The following SFMBT1 variants were observed in gnomAD, a reference collection of about 807,000 sequenced individuals.
SFMBT1 encodes Scm like with four mbt domains 1.
Under a neutral mutation model 108.7 loss-of-function variants are expected in SFMBT1, and 32 were observed. The ratio of observed to expected loss-of-function variants is 0.29; its 90% CI spans 0.22 to 0.40. SFMBT1 has a LOEUF of 0.40. Among genes scored for constraint, SFMBT1 ranks in the 10% least tolerant of loss-of-function variants. SFMBT1 has a pLI of 1.00. For missense variants in SFMBT1, 816 were observed against 1,059.6 expected (o/e 0.77, Z 3.19); for synonymous variants, 348 against 369.5 (o/e 0.94, Z 0.67).
chr3:52,926,032 G>A lies in SFMBT1; in HGVS notation c.1130C>T (p.Pro377Leu), dbSNP rs535877148. ...AEAAPQRCFP[P>L]LISEHEFKEN... The stretch of plus-strand genomic sequence containing the variant: ...CCATGAGGCCGTGGGGGTCCTCACC[G>A]GAGGGAAGCACCTCTGGGGAGCAGC... The change falls in exon 10 of 21, where the codon CCG (proline) becomes CTG (leucine). Residue 377 changes from proline (P) to leucine (L), a missense_variant and splice_region_variant. Pro to Leu is a moderately conservative substitution (Grantham distance 98). Transcript: ENST00000394752. 101 of 1,605,982 alleles carry A rather than the reference G, an allele frequency of 6.3e-5. No individual in the cohort carries two copies. The South Asian group carries it at 9.9e-4, about 16-fold the overall frequency.
intron 10 of SFMBT1, among the ~76,000 whole-genome samples, chr3:52,924,292 T>G (rs1702596807): frequency 6.6e-6 from 1 of 152,006 alleles, no homozygotes; most frequent in African/African-American, 2.4e-5. Flanking sequence ...GGACCCCAAA[T>G]CATACAAAAG....
chr3:52,990,694 G>T (rs1346665659), intron 1 of SFMBT1, among the ~76,000 whole-genome samples: 2 of 152,126 alleles, frequency 1.3e-5, no homozygotes, highest in East Asian at 3.8e-4. Flanking sequence ...AGAGAAGAAG[G>T]AAAGAAGGAT....
At chr3:53,027,478 T>C (rs530570899) in intron 1 of SFMBT1, among the ~76,000 whole-genome samples, 2 of 152,326 alleles carry the variant, frequency 1.3e-5, no homozygotes, top group South Asian at 4.1e-4. Context: ...GTCTGCTAAA[T>C]GAATTACTAT....
chr3:52,928,400 C>A, intron 8 of SFMBT1, 59 bp from the exon 9 acceptor site: 5 of 1,555,590 alleles, frequency 3.2e-6, no homozygotes, highest in Non-Finnish European at 4.4e-6. Flanking sequence ...GTGCTTTCTC[C>A]TTGGCACAGC....
chr3:52,915,637 G>C (rs1296015465), intron 14 of SFMBT1, among the ~76,000 whole-genome samples: 1 of 152,150 alleles, frequency 6.6e-6, no homozygotes, highest in African/African-American at 2.4e-5. Context: ...TTCAAGAGAG[G>C]ACCCTGGACA....
intron 1 of SFMBT1, among the ~76,000 whole-genome samples, chr3:53,041,015 G>T (rs972008205): frequency 6.5e-5 from 5 of 77,052 alleles, no homozygotes; most frequent in Admixed American, 5.2e-4. Context: ...TAGAGACAGG[G>T]CTTCCCTATG....
chr3:52,987,693 C>T (rs995085689), intron 1 of SFMBT1, among the ~76,000 whole-genome samples: 2 of 152,140 alleles, frequency 1.3e-5, no homozygotes, highest in Non-Finnish European at 2.9e-5. Context: ...AGATGATCTG[C>T]GCTCAAGTTG....
intron 1 of SFMBT1, among the ~76,000 whole-genome samples, chr3:53,037,969 G>C (rs1277547591): frequency 6.6e-6 from 1 of 152,126 alleles, no homozygotes; most frequent in African/African-American, 2.4e-5. Flanking sequence ...AAATTAGCCA[G>C]GCATGGTGGC....
intron 17 of SFMBT1, among the ~76,000 whole-genome samples, chr3:52,910,303 C>T (rs140190536): frequency 6.6e-6 from 1 of 152,180 alleles, no homozygotes; most frequent in African/African-American, 2.4e-5. Context: ...AGCATAAGCA[C>T]ACAATGAGCA....
Position 52,948,113 on chromosome 3 carries a change from G to A in SFMBT1, c.124-4520C>T, listed in dbSNP as rs1559522217. ...TCATAAACTATATTATTATCTAGGA[G>A]CTATCATATTTAGAACTAACATACA... On this transcript the variant is annotated intron_variant, in intron 3 of 20. Transcript: ENST00000394752. 2.0e-5 allele frequency among the ~76,000 whole-genome samples: 3 copies of A among 152,250 alleles called. 1 individual carries two copies. In the East Asian group the frequency reaches 5.8e-4, roughly 29 times the overall value.
At chr3:52,913,455 T>C in intron 15 of SFMBT1, 23 bp downstream of exon 15, 1 of 1,600,890 alleles carries the variant, frequency 6.2e-7, no homozygotes, top group Non-Finnish European at 8.5e-7. Context: ...TCCAAGTTAT[T>C]TTGCTCTAGG....
At chr3:52,938,846 G>A (rs62253603) in intron 4 of SFMBT1, among the ~76,000 whole-genome samples, 40,943 of 151,982 alleles carry the variant, frequency 0.27, 6,065 homozygotes, top group Middle Eastern at 0.41. Flanking sequence ...CCATGCTAAT[G>A]TTACCTCATT....
chr3:52,978,153 T>C lies in SFMBT1; in HGVS notation c.-130-8895A>G, dbSNP rs1704582173. Reference sequence around the variant, plus strand: ...GCTGGGGAGGAATGACAGTGTGGGGTGGTTAAATCGGGTAGAGAGAAAGGA... The same window carrying C: ...GCTGGGGAGGAATGACAGTGTGGGGCGGTTAAATCGGGTAGAGAGAAAGGA... On this transcript the variant is annotated intron_variant, in intron 1 of 20. Coordinates refer to ENST00000394752, the MANE Select transcript of SFMBT1 (RefSeq NM_016329.4). 2.6e-5 allele frequency among the ~76,000 whole-genome samples: 4 copies of C among 151,688 alleles called. No individual in the cohort carries two copies. In the South Asian group the frequency reaches 6.3e-4, roughly 24 times the overall value.
intron 2 of SFMBT1, among the ~76,000 whole-genome samples, chr3:52,967,779 C>G (rs1438289839): frequency 4.6e-5 from 7 of 152,186 alleles, no homozygotes; most frequent in African/African-American, 1.7e-4. Flanking sequence ...TGAGCTGTCA[C>G]TACCCACCTA....
rs2106754306 is a variant in SFMBT1, at chr3:52,905,292, A to T, written c.2461-16T>A. The T allele has an allele frequency of 6.2e-7, 1 of 1,610,732 alleles. No homozygotes were observed. Among genetic ancestry groups the T allele is most frequent in the East Asian group, 2.2e-5 (1 of 44,704 alleles). On this transcript the variant is annotated splice_polypyrimidine_tract_variant and intron_variant, in intron 20 of 20. Transcript: ENST00000394752. ...CATCAATTTCCTGTTAAAGCATAAA[A>T]GACAAATTATCTGTGATGTGCACAT...
In SFMBT1 at chr3:52,904,478, G is replaced by C. The variant is rs1702018636; in HGVS notation, c.*658C>G. ...TTAGTGTTTATGTAGCTTAAAAATG[G>C]CATCATACAAAAAACCTCATACATG... is the stretch of plus-strand genomic sequence containing the variant. On this transcript the variant is annotated 3_prime_UTR_variant, in exon 21 of 21. Coordinates refer to ENST00000394752, the MANE Select transcript of SFMBT1 (RefSeq NM_016329.4). 1 of 152,330 alleles carries C rather than the reference G, an allele frequency of 6.6e-6. No individual in the cohort carries two copies. Among genetic ancestry groups the C allele is most frequent in the Non-Finnish European group, 1.5e-5 (1 of 68,010 alleles). 9.4% of individuals were successfully genotyped at this position (152,330 alleles called of 1,614,324 possible).
Position 52,934,845 on chromosome 3 carries a change from C to T in SFMBT1, c.421G>A (p.Ala141Thr). The change falls in exon 5 of 21, where the codon GCA (alanine) becomes ACA (threonine). Residue 141 changes from alanine to threonine, a missense_variant. Around this residue, in one of 5 missense-constraint regions of SFMBT1, gnomAD observed 495 missense variants for 607.4 expected, o/e 0.81. Coordinates refer to ENST00000394752, the MANE Select transcript of SFMBT1 (RefSeq NM_016329.4). ...AGCAGCGGAACAGGAGGACTACATG[C>T]TCCTATCAGGGTCTGCCGCAGAAAC... ...DEFLRQTLIG[A>T]CSPPVPLLEG... 2 of 1,613,736 alleles carry T rather than the reference C, an allele frequency of 1.2e-6. No homozygotes were observed. Among genetic ancestry groups the T allele is most frequent in the Non-Finnish European group, 1.7e-6 (2 of 1,179,812 alleles).
At chr3:52,998,198 G>A (rs895803871) in intron 1 of SFMBT1, among the ~76,000 whole-genome samples, 3 of 149,618 alleles carry the variant, frequency 2.0e-5, no homozygotes, top group Middle Eastern at 3.2e-3. Context: ...GGCAGATCAC[G>A]AGGCCAACAC....
chr3:52,909,871 T>G (rs1430605211), intron 17 of SFMBT1, among the ~76,000 whole-genome samples: 1 of 152,168 alleles, frequency 6.6e-6, no homozygotes, highest in Non-Finnish European at 1.5e-5. Context: ...ATAGGTGCTA[T>G]GACAGTTCAA....
Sources: allele counts gnomAD v4.1 joint callset (sites outside exome capture counted in the v4.1 genomes callset), GRCh38; gene constraint gnomAD v4.1.1; regional missense constraint gnomAD v4.1.1; transcripts MANE v1.5; gene names NCBI Gene and HGNC (gene_info 2026-07-23, HGNC 2026-07-21).